Variants in ANKRD24 observed in about 807,000 individuals in gnomAD.
ANKRD24 encodes the protein ankyrin repeat domain 24.
A neutral mutation model predicts 127.8 loss-of-function variants in ANKRD24; 109 were observed. The observed-to-expected ratio is 0.85, with a 90% CI of 0.73 to 1.00. The LOEUF (loss-of-function observed/expected upper bound fraction) is 1.00. Among genes scored for constraint, ANKRD24 ranks in the 50% least tolerant of loss-of-function variants. The pLI, the probability that ANKRD24 is intolerant of heterozygous loss-of-function variation, is 0.00. For missense variants in ANKRD24, 1,648 were observed against 1,570.2 expected (o/e 1.05, Z -0.84); for synonymous variants, 743 against 671.1 (o/e 1.11, Z -1.66).
At position 4,199,579 on chromosome 19, in the gene ANKRD24, T is replaced by G; in HGVS notation, c.37-104T>G. ...GGGGATGATGCTGGTGGTGGGCTTT[T>G]GTTGGACAACTGGGGTGATGGGCCT... is the stretch of plus-strand genomic sequence containing the variant. On this transcript the variant is annotated intron_variant, in intron 2 of 21. Transcript: ENST00000318934. The surrounding 1 kb of genome is among the most constrained non-coding windows in gnomAD (Gnocchi z 5.2). The G allele has an allele frequency of 6.9e-7, 1 of 1,439,504 alleles. No individual in the cohort carries two copies. Among genetic ancestry groups the G allele is most frequent in the Non-Finnish European group, 9.1e-7 (1 of 1,100,944 alleles). The allele number at this position is 1,439,504 out of a possible 1,614,324, so 89.2% of individuals were successfully genotyped here.
In ANKRD24 at chr19:4,202,085, C is replaced by T. The variant is rs1385796749; in HGVS notation, c.403C>T (p.Leu135=). 1.2e-6 allele frequency: 2 copies of T among 1,613,826 alleles called. No homozygotes were observed. Among genetic ancestry groups the T allele is most frequent in the Non-Finnish European group, 8.5e-7 (1 of 1,179,782 alleles). ...GCACCCACAGTGCTTGAAGCAACTA[C>T]TGCAGGTCATTTACTGTCTTATCTC... ...YGHPQCLKQL[L]QASCVVDVVD... is the part of the protein sequence containing the mutation. The change falls in exon 6 of 22, where the codon CTG becomes TTG. Residue 135 remains leucine, a synonymous_variant. Transcript: ENST00000318934.
Position 4,212,491 on chromosome 19 carries a change from C to G in ANKRD24, c.1076C>G (p.Ser359Cys). The G allele has an allele frequency of 6.4e-7, 1 of 1,571,982 alleles. No homozygotes were observed. Among genetic ancestry groups the G allele is most frequent in the South Asian group, 1.2e-5 (1 of 85,198 alleles). Residue 359 changes from serine to cysteine, a missense_variant, in exon 14 of 22, where the codon TCC (serine) becomes TGC (cysteine). Transcript: ENST00000318934. The part of the protein sequence containing the change: ...RRQQESPEAS[S>C]LHILERQVQE... ...TCCCGTCAGTCCCCGGAGGCCAGCT[C>G]CCTGCACATCCTGGAGAGACAGGTA...
At chr19:4,220,055 T>A (rs1394509041) in intron 19 of ANKRD24, among the ~76,000 whole-genome samples, 1 of 152,218 alleles carries the variant, frequency 6.6e-6, no homozygotes, top group African/African-American at 2.4e-5. Flanking sequence ...CTCGGCTCAC[T>A]GCAACCTCTG....
chr19:4,222,408 C>T (rs559537432), intron 19 of ANKRD24, among the ~76,000 whole-genome samples: 1 of 152,080 alleles, frequency 6.6e-6, no homozygotes, highest in Admixed American at 6.6e-5. Context: ...CAAACAAAAA[C>T]AAAAAAATGT....
intron 1 of ANKRD24, among the ~76,000 whole-genome samples, chr19:4,184,673 T>A (rs1157691646): frequency 2.6e-5 from 4 of 152,226 alleles, no homozygotes; most frequent in Admixed American, 2.6e-4. Flanking sequence ...GGTGTCTTAT[T>A]ACCCCCTGCT....
Position 4,219,651 on chromosome 19 carries a change from ACAG to A in ANKRD24, c.3068_3070del (p.Ala1023del), listed in dbSNP as rs774441595. On this transcript the variant is annotated inframe_deletion, in exon 19 of 22. Coordinates refer to ENST00000318934, the MANE Select transcript of ANKRD24 (RefSeq NM_001393985.1). ...ACACGCAGCCGAGGCACAGCTGGCC[ACAG>A]CAGAGCAGCAGCTACGGGGGCTACG... The A allele has an allele frequency of 6.2e-7, 1 of 1,613,898 alleles. No homozygotes were observed. The highest frequency in any genetic ancestry group is 1.1e-5 in the South Asian group (1 of 91,062).
chr19:4,208,217 C>A (rs905947970), intron 10 of ANKRD24, among the ~76,000 whole-genome samples: 3 of 152,002 alleles, frequency 2.0e-5, no homozygotes, highest in African/African-American at 7.2e-5. Flanking sequence ...AAGAAGGGCA[C>A]CCCCTGCTGG....
Position 4,217,703 on chromosome 19 carries a change from G to A in ANKRD24, c.2543G>A (p.Arg848Gln), listed in dbSNP as rs778700773. ...QREEARLEQS[R>Q]ELEVLREQLA... ...GAGGAGGCGCGGCTGGAGCAGAGCCGGGAGCTGGAGGTTCTGCGGGAGCAG... is the reference window on the plus strand; with the variant it reads ...GAGGAGGCGCGGCTGGAGCAGAGCCAGGAGCTGGAGGTTCTGCGGGAGCAG... The change falls in exon 18 of 22, where the codon CGG (arginine) becomes CAG (glutamine). Residue 848 changes from arginine to glutamine, a missense_variant. Arg to Gln is a conservative substitution (Grantham distance 43). Coordinates refer to ENST00000318934, the MANE Select transcript of ANKRD24 (RefSeq NM_001393985.1). 4.6e-5 allele frequency: 60 copies of A among 1,290,358 alleles called. No homozygotes were observed. In the Middle Eastern group the frequency reaches 8.9e-4, roughly 19 times the overall value. 79.9% of individuals were successfully genotyped at this position (1,290,358 alleles called of 1,614,324 possible). A position where few individuals can be genotyped will look rare whatever the true frequency, so the allele number is the denominator to read the frequency against.
intron 7 of ANKRD24, among the ~76,000 whole-genome samples, chr19:4,205,029 AG>A (rs1217776244): frequency 6.6e-6 from 1 of 152,116 alleles, no homozygotes; most frequent in Admixed American, 6.6e-5. Flanking sequence ...TGAGGTCAGG[AG>A]ATCAAGACCA....
chr19:4,186,169 A>G, intron 1 of ANKRD24: 4 of 1,098,604 alleles, frequency 3.6e-6, no homozygotes, highest in East Asian at 6.7e-5. Context: ...AGAAAGGATC[A>G]TTTCTGTCAC....
In ANKRD24 at chr19:4,191,297, C is replaced by T. The variant is rs1014301692; in HGVS notation, c.36+4836C>T. Among the ~76,000 whole-genome samples the T allele has an allele frequency of 1.9e-4, 19 of 101,294 alleles. No individual in the cohort carries two copies. In the East Asian group the frequency reaches 4.7e-3, roughly 25 times the overall value. 66.5% of individuals were successfully genotyped at this position (101,294 alleles called of 152,430 possible). A position where few individuals can be genotyped will look rare whatever the true frequency, so the allele number is the denominator to read the frequency against. On this transcript the variant is annotated intron_variant, in intron 2 of 21. Coordinates refer to ENST00000318934, the MANE Select transcript of ANKRD24 (RefSeq NM_001393985.1). ...CAGCCCCGAGGGAAGAAAGCAAACA[C>T]CCATGACTGCAGGGGCCAGGCCCCC...
chr19:4,195,114 C>T lies in ANKRD24; in HGVS notation c.37-4569C>T, dbSNP rs1968630359. ...TAGAGAGGGAGTCTCACTCTGTCAC[C>T]CAGGTTGGAGTGCAGTGGCACGACT... On this transcript the variant is annotated intron_variant, in intron 2 of 21. Transcript: ENST00000318934. This position sits in a 1 kb window ranked among gnomAD's most constrained non-coding sequence, Gnocchi z 4.2. Among the ~76,000 whole-genome samples, 1 of 149,954 alleles carries T rather than the reference C, an allele frequency of 6.7e-6. No homozygotes were observed. Among genetic ancestry groups the T allele is most frequent in the Non-Finnish European group, 1.5e-5 (1 of 67,764 alleles).
chr19:4,209,421 T>G (rs556813428), intron 11 of ANKRD24, among the ~76,000 whole-genome samples: 1 of 147,920 alleles, frequency 6.8e-6, no homozygotes, highest in African/African-American at 2.6e-5. Context: ...CTCCTAGTTT[T>G]TTTTTTTTGT....
At position 4,212,591 on chromosome 19, in the gene ANKRD24, T is replaced by A; in HGVS notation, c.1099-9T>A. ...CCAGAGGCAGCTGAGCCTCCACTGC[T>A]GCTCCCAGGTGCAAGAGCTACAGCA... On this transcript the variant is annotated splice_polypyrimidine_tract_variant and intron_variant, in intron 14 of 21. Coordinates refer to ENST00000318934, the MANE Select transcript of ANKRD24 (RefSeq NM_001393985.1). The A allele has an allele frequency of 6.5e-7, 1 of 1,550,318 alleles. No individual in the cohort carries two copies. The highest frequency in any genetic ancestry group is 8.7e-7 in the Non-Finnish European group (1 of 1,146,716).
rs917018002 is a variant in ANKRD24, at chr19:4,195,236, C to G, written c.37-4447C>G. On this transcript the variant is annotated intron_variant, in intron 2 of 21. Coordinates refer to ENST00000318934, the MANE Select transcript of ANKRD24 (RefSeq NM_001393985.1). The surrounding 1 kb of genome is among the most constrained non-coding windows in gnomAD (Gnocchi z 4.2). ...TACAGGCGCCCACCACCACGCCCGG[C>G]TAATTTTTTGTATTTTTAGTAGAGA... 6.6e-6 allele frequency among the ~76,000 whole-genome samples: 1 copy of G among 152,004 alleles called. No individual in the cohort carries two copies.
chr19:4,208,764 C>T lies in ANKRD24; in HGVS notation c.833C>T (p.Ala278Val), dbSNP rs775537168. Residue 278 changes from alanine to valine, a missense_variant and splice_region_variant, in exon 11 of 22, where the codon GCC becomes GTC. Transcript: ENST00000318934. ...TGACCCTGCTTCCCTCTCTCCCCAG[C>T]CCTCACAGAGGATGATTCAGGCGAG... ...EAAQRPSPPS[A>V]LTEDDSGEAS... 6.2e-7 allele frequency: 1 copy of T among 1,612,856 alleles called. No individual in the cohort carries two copies. The highest frequency in any genetic ancestry group is 1.1e-5 in the South Asian group (1 of 90,734).
intron 15 of ANKRD24, 123 bp from the exon 16 acceptor site, chr19:4,215,855 G>A: frequency 7.0e-6 from 5 of 710,944 alleles, no homozygotes; most frequent in Non-Finnish European, 1.2e-5. Flanking sequence ...GCCAAATGCA[G>A]CCATCTGGTG....
intron 20 of ANKRD24, among the ~76,000 whole-genome samples, 191 bp from the exon 21 acceptor site, chr19:4,223,936 G>C (rs1970600193): frequency 1.3e-5 from 2 of 152,050 alleles, no homozygotes; most frequent in Non-Finnish European, 2.9e-5. Flanking sequence ...CTGACCTCAA[G>C]TGAGCCACCC....
chr19:4,202,956 C>T (rs201914800), intron 7 of ANKRD24, 30 bp downstream of exon 7: 8 of 1,531,762 alleles, frequency 5.2e-6, no homozygotes, highest in African/African-American at 2.8e-5. Context: ...GCCCTGACCC[C>T]GAAGCCCAGA....
Sources: gnomAD v4.1 joint callset for allele counts (sites outside exome capture counted in the v4.1 genomes callset) on GRCh38, gnomAD v4.1.1 for gene constraint, Gnocchi (gnomAD v3.1) non-coding constraint, MANE v1.5 for transcripts, NCBI Gene and HGNC (gene_info 2026-07-23, HGNC 2026-07-21) for gene names.